KITLG: variants seen among roughly 807,000 people sequenced by gnomAD.
The protein encoded by KITLG is c-Kit ligand.
KITLG carries 13 observed loss-of-function variants against 34.1 expected under a neutral mutation model. The observed-to-expected ratio is 0.38, with a 90% CI of 0.25 to 0.61. The LOEUF (loss-of-function observed/expected upper bound fraction) is 0.61, where lower values mean the gene tolerates loss of function less well. KITLG is among the 20% of genes least tolerant of loss of function. The pLI is 0.60. For synonymous variants in KITLG, 110 were observed against 104.0 expected (o/e 1.06, Z -0.35); for missense variants, 292 against 318.9 (o/e 0.92, Z 0.64).
intron 1 of KITLG, among the ~76,000 whole-genome samples, chr12:88,578,889 G>A (rs866411189): frequency 6.6e-6 from 1 of 152,206 alleles, no homozygotes; most frequent in Non-Finnish European, 1.5e-5. Flanking sequence ...CTTTTCTTTT[G>A]TTGCAAGAAT....
chr12:88,497,398 C>T (rs757630987), intron 9 of KITLG, among the ~76,000 whole-genome samples: 19 of 152,120 alleles, frequency 1.2e-4, no homozygotes, highest in African/African-American at 4.6e-4. Context: ...CTGAAACAAT[C>T]TTACTTTTTG....
At chr12:88,575,923 A>C (rs1418456573) in intron 1 of KITLG, among the ~76,000 whole-genome samples, 2 of 152,210 alleles carry the variant, frequency 1.3e-5, no homozygotes, top group African/African-American at 4.8e-5. Flanking sequence ...TAATGAAAAA[A>C]AAATGTCACT....
At chr12:88,553,506 C>T (rs2120932792) in intron 1 of KITLG, among the ~76,000 whole-genome samples, 1 of 151,946 alleles carries the variant, frequency 6.6e-6, no homozygotes, top group South Asian at 2.1e-4. Context: ...TTTGTTTTAT[C>T]ATTGTACAAC....
intron 1 of KITLG, among the ~76,000 whole-genome samples, chr12:88,553,434 C>A (rs1315800469): frequency 2.0e-5 from 3 of 151,988 alleles, no homozygotes; most frequent in Non-Finnish European, 4.4e-5. Flanking sequence ...TTTGGGTAAT[C>A]ATCTATTTTT....
chr12:88,499,670 C>T (rs1237153636), intron 9 of KITLG, among the ~76,000 whole-genome samples: 1 of 152,122 alleles, frequency 6.6e-6, no homozygotes, highest in Non-Finnish European at 1.5e-5. Flanking sequence ...TTTCCATTTC[C>T]TGTTAATGCC....
chr12:88,517,114 A>G lies in KITLG; in HGVS notation c.364-624T>C, dbSNP rs535211435. Among the ~76,000 whole-genome samples the G allele has an allele frequency of 2.6e-5, 4 of 152,068 alleles. No individual in the cohort carries two copies. In the East Asian group the frequency reaches 7.7e-4, roughly 29 times the overall value. Reference sequence around the variant, plus strand: ...AGCAATATCTGTATCACTTATGTCAATCCAGACAGAGTGGCTTAATAACTA... The same window carrying G: ...AGCAATATCTGTATCACTTATGTCAGTCCAGACAGAGTGGCTTAATAACTA... On this transcript the variant is annotated intron_variant, in intron 4 of 9. Coordinates refer to ENST00000644744, the MANE Select transcript of KITLG (RefSeq NM_000899.5).
chr12:88,509,294 T>C (rs1328933837), intron 6 of KITLG, among the ~76,000 whole-genome samples: 1 of 152,124 alleles, frequency 6.6e-6, no homozygotes, highest in African/African-American at 2.4e-5. Flanking sequence ...AGACCAAACC[T>C]AAGTCTTGAA....
Position 88,580,384 on chromosome 12 carries a change from C to T in KITLG, c.-106G>A. 4 of 1,318,798 alleles carry T rather than the reference C, an allele frequency of 3.0e-6. No individual in the cohort carries two copies. The highest frequency in any genetic ancestry group is 4.3e-6 in the Non-Finnish European group (4 of 931,306). 81.7% of individuals were successfully genotyped at this position (1,318,798 alleles called of 1,614,324 possible). Reference sequence around the variant, plus strand: ...ACGAACAGCGGCGGCAGATAGTCCACGCATTGGGTAGCCCGAGCGCAGCGC... The same window carrying T: ...ACGAACAGCGGCGGCAGATAGTCCATGCATTGGGTAGCCCGAGCGCAGCGC... On this transcript the variant is annotated 5_prime_UTR_variant, in exon 1 of 10. It adds an upstream start codon to the 5' untranslated region. Coordinates refer to ENST00000644744, the MANE Select transcript of KITLG (RefSeq NM_000899.5).
At position 88,493,155 on chromosome 12, in the gene KITLG, T is replaced by C. The variant is rs1868473460; in HGVS notation, c.*4064A>G. On this transcript the variant is annotated 3_prime_UTR_variant, in exon 10 of 10. Transcript: ENST00000644744. Reference sequence around the variant, plus strand: ...ACATATTAACCCTTAGAATATAGAATAGAATATTTTGATTGGAAAATTATA... The same window carrying C: ...ACATATTAACCCTTAGAATATAGAACAGAATATTTTGATTGGAAAATTATA... 6.6e-6 allele frequency: 1 copy of C among 152,334 alleles called. No homozygotes were observed. The highest frequency in any genetic ancestry group is 2.4e-5 in the African/African-American group (1 of 41,412). The allele number at this position is 152,334 out of a possible 1,614,324, so 9.4% of individuals were successfully genotyped here.
intron 6 of KITLG, among the ~76,000 whole-genome samples, chr12:88,509,310 C>T (rs911070835): frequency 2.6e-5 from 4 of 152,112 alleles, no homozygotes; most frequent in Non-Finnish European, 5.9e-5. Context: ...TTGAAATTCA[C>T]CACTCAGACC....
chr12:88,539,441 C>CA (rs1870442319), intron 2 of KITLG, among the ~76,000 whole-genome samples: 2 of 152,112 alleles, frequency 1.3e-5, no homozygotes, highest in Non-Finnish European at 2.9e-5. Context: ...CACTCAGGTA[C>CA]AGTAGCTTAC....
intron 1 of KITLG, among the ~76,000 whole-genome samples, chr12:88,550,427 AGG>A (rs1223722698): frequency 4.4e-5 from 1 of 22,938 alleles, no homozygotes; most frequent in Non-Finnish European, 3.6e-4. Context: ...GGCTTTAAAT[AGG>A]AGTATAGGTA....
At chr12:88,504,194 A>G (rs903673863) in intron 9 of KITLG, among the ~76,000 whole-genome samples, 1 of 152,176 alleles carries the variant, frequency 6.6e-6, no homozygotes, top group Admixed American at 6.5e-5. Context: ...AGAATACACA[A>G]TGAATTAGAT....
At chr12:88,543,809 A>G (rs1220604756) in intron 2 of KITLG, among the ~76,000 whole-genome samples, 1 of 152,214 alleles carries the variant, frequency 6.6e-6, no homozygotes, top group African/African-American at 2.4e-5. Flanking sequence ...TCAAGGGTCT[A>G]TCTTGCTTTG....
chr12:88,508,590 G>A (rs1333725544), intron 6 of KITLG, among the ~76,000 whole-genome samples: 1 of 150,978 alleles, frequency 6.6e-6, no homozygotes, highest in African/African-American at 2.5e-5. Flanking sequence ...TGTGTTGGGG[G>A]AGGAGACAGT....
rs192480254 is a variant in KITLG, at chr12:88,544,640, C to T, written c.129+1112G>A. On this transcript the variant is annotated intron_variant, in intron 2 of 9. Transcript: ENST00000644744. ...GTAAGACATACTGATACATCTGCTG[C>T]TGCTGCATGGAAGAATGCTTTTAAA... is the stretch of plus-strand genomic sequence containing the variant. Among the ~76,000 whole-genome samples, 31 of 152,178 alleles carry T rather than the reference C, an allele frequency of 2.0e-4. No homozygotes were observed. In the East Asian group the frequency reaches 5.6e-3, roughly 28 times the overall value.
At chr12:88,498,629 CT>C (rs1228203406) in intron 9 of KITLG, among the ~76,000 whole-genome samples, 34 of 152,298 alleles carry the variant, frequency 2.2e-4, no homozygotes, top group African/African-American at 7.5e-4. Flanking sequence ...AATCCCAGCA[CT>C]TTGAGAGGCT....
In KITLG at chr12:88,495,196, A is replaced by T. The variant is rs972409005; in HGVS notation, c.*2023T>A. 1 of 152,072 alleles carries T rather than the reference A, an allele frequency of 6.6e-6. No homozygotes were observed. The highest frequency in any genetic ancestry group is 1.5e-5 in the Non-Finnish European group (1 of 67,966). 9.4% of individuals were successfully genotyped at this position (152,072 alleles called of 1,614,324 possible). On this transcript the variant is annotated 3_prime_UTR_variant, in exon 10 of 10. Transcript: ENST00000644744. ...TTGAGGACAAAAGTACACATTTATTATACTCTTAAGCACATTAAGCAGGAT... is the reference window on the plus strand; with the variant it reads ...TTGAGGACAAAAGTACACATTTATTTTACTCTTAAGCACATTAAGCAGGAT...
intron 1 of KITLG, among the ~76,000 whole-genome samples, chr12:88,567,662 A>T (rs1459855119): frequency 2.0e-5 from 3 of 152,230 alleles, no homozygotes; most frequent in Non-Finnish European, 2.9e-5. Flanking sequence ...ATGCAAAAAA[A>T]ATAAAAACAA....
Sources: gnomAD v4.1 joint callset for allele counts (sites outside exome capture counted in the v4.1 genomes callset) on GRCh38, gnomAD v4.1.1 for gene constraint, MANE v1.5 for transcripts, NCBI Gene and HGNC (gene_info 2026-07-23, HGNC 2026-07-21) for gene names.